STPG2: variants seen among roughly 807,000 people sequenced by gnomAD.
The protein encoded by STPG2 is sperm-tail PG-rich repeat-containing protein 2.
A neutral mutation model predicts 54.2 loss-of-function variants in STPG2; 56 were observed. That is an observed-to-expected ratio of 1.03 (90% CI 0.83 to 1.29). STPG2 has a LOEUF of 1.29. STPG2 is among the 50% of genes most tolerant of loss of function. The pLI, the probability that STPG2 is intolerant of heterozygous loss-of-function variation, is 0.00. For missense variants in STPG2, 596 were observed against 544.9 expected (o/e 1.09, Z -0.93); for synonymous variants, 200 against 181.8 (o/e 1.10, Z -0.81).
chr4:98,128,063 G>A (rs2040581779), intron 3 of STPG2, among the ~76,000 whole-genome samples: 1 of 152,038 alleles, frequency 6.6e-6, no homozygotes. Flanking sequence ...CATGTGACTG[G>A]CTATAGCTCC....
In STPG2 at chr4:97,571,550, C is replaced by A. The variant is rs183610546; in HGVS notation, c.1321-12433G>T. ...GCTCTCCACCACCTCTTATAGCAAC[C>A]CAGACATTCCCTTCTATTGATCCCA... On this transcript the variant is annotated intron_variant, in intron 10 of 10. Transcript: ENST00000295268. Among the ~76,000 whole-genome samples, 419 of 152,232 alleles carry A rather than the reference C, an allele frequency of 2.8e-3. 1 individual carries two copies. The highest frequency in any genetic ancestry group is 4.3e-3 in the Non-Finnish European group (292 of 68,012).
chr4:97,537,128 G>A (rs958347400), intron 4 of STPG2, among the ~76,000 whole-genome samples: 12 of 152,182 alleles, frequency 7.9e-5, no homozygotes, highest in Non-Finnish European at 1.3e-4. Context: ...CGATGCAGAA[G>A]ACGGGTGATT....
intron 10 of STPG2, among the ~76,000 whole-genome samples, chr4:97,611,188 A>G (rs1578422780): frequency 2.0e-5 from 3 of 152,046 alleles, no homozygotes; most frequent in African/African-American, 7.2e-5. Flanking sequence ...AAATTCATTC[A>G]TTCTGTGTTA....
intron 5 of STPG2, among the ~76,000 whole-genome samples, chr4:97,998,725 G>T (rs1320173725): frequency 1.3e-5 from 2 of 152,128 alleles, no homozygotes; most frequent in Admixed American, 1.3e-4. Flanking sequence ...GTGATTATTT[G>T]TACCTGGTGT....
intron 10 of STPG2, among the ~76,000 whole-genome samples, chr4:97,559,630 C>T (rs1299600961): frequency 1.3e-5 from 2 of 152,166 alleles, no homozygotes; most frequent in African/African-American, 4.8e-5. Context: ...TATGACTTCA[C>T]TGACCTTTGT....
chr4:97,895,160 G>GGTA (rs1274423097), intron 8 of STPG2, among the ~76,000 whole-genome samples: 1 of 151,604 alleles, frequency 6.6e-6, no homozygotes, highest in East Asian at 1.9e-4. Flanking sequence ...GTGATGACAC[G>GGTA]GTAATAATAA....
intron 10 of STPG2, among the ~76,000 whole-genome samples, chr4:97,568,503 T>TCA (rs1732513699): frequency 3.9e-5 from 6 of 151,998 alleles, no homozygotes; most frequent in Admixed American, 3.9e-4. Flanking sequence ...TCTCTCTCTC[T>TCA]CACACACACA....
intron 8 of STPG2, among the ~76,000 whole-genome samples, chr4:97,854,887 T>C (rs947672366): frequency 6.6e-6 from 1 of 152,206 alleles, no homozygotes; most frequent in Non-Finnish European, 1.5e-5. Context: ...TTCTTCCTGA[T>C]GCTCTCCCTC....
chr4:97,981,445 A>C, intron 5 of STPG2, 127 bp from the exon 6 acceptor site: 1 of 936,690 alleles, frequency 1.1e-6, no homozygotes, highest in Non-Finnish European at 1.6e-6. Context: ...AGTGAAGAAA[A>C]TGTAGATGAA....
intron 8 of STPG2, among the ~76,000 whole-genome samples, chr4:97,904,655 C>A (rs1392496910): frequency 6.6e-6 from 1 of 152,186 alleles, no homozygotes; most frequent in East Asian, 1.9e-4. Flanking sequence ...AATCAAATTA[C>A]TCCGAGCTAT....
chr4:97,634,528 G>C (rs563537362), intron 10 of STPG2, among the ~76,000 whole-genome samples: 3 of 150,890 alleles, frequency 2.0e-5, no homozygotes, highest in South Asian at 4.2e-4. Flanking sequence ...GGCTTCAGAC[G>C]ATCAAATTAC....
At chr4:98,040,249 A>G (rs947515133) in intron 5 of STPG2, among the ~76,000 whole-genome samples, 1 of 151,894 alleles carries the variant, frequency 6.6e-6, no homozygotes, top group African/African-American at 2.4e-5. Flanking sequence ...GTCCGAAAAT[A>G]TCTTCCCTCA....
At chr4:97,793,659 T>C (rs1182943179) in intron 9 of STPG2, among the ~76,000 whole-genome samples, 2 of 151,848 alleles carry the variant, frequency 1.3e-5, no homozygotes, top group Non-Finnish European at 2.9e-5. Flanking sequence ...ATAATAAATA[T>C]ACATGAATCT....
chr4:98,140,226 T>C (rs933067867), intron 1 of STPG2, among the ~76,000 whole-genome samples: 10 of 152,008 alleles, frequency 6.6e-5, no homozygotes, highest in Non-Finnish European at 1.5e-4. Context: ...AACTGTAAAG[T>C]TGAAATTGCT....
At position 97,549,428 on chromosome 4, in the gene STPG2, G is replaced by A. The variant is rs149900401; in HGVS notation, c.462+163271C>T. Among the ~76,000 whole-genome samples, 267 of 152,102 alleles carry A rather than the reference G, an allele frequency of 1.8e-3. 2 individuals carry two copies. The highest frequency in any genetic ancestry group is 6.2e-3 in the African/African-American group (258 of 41,518). On this transcript the variant is annotated intron_variant, in intron 4 of 4. Transcript: ENST00000522676. ...ATTATGTTTTCCCTTGCCATAATTA[G>A]CTTTTGAGGCCTGTAAATAGATTTG...
At chr4:98,016,239 T>C (rs1735941993) in intron 5 of STPG2, among the ~76,000 whole-genome samples, 1 of 152,164 alleles carries the variant, frequency 6.6e-6, no homozygotes, top group Non-Finnish European at 1.5e-5. Context: ...ATAATGTTTT[T>C]GGTGACTATC....
At chr4:98,097,749 T>A (rs1284435692) in intron 5 of STPG2, among the ~76,000 whole-genome samples, 1 of 152,126 alleles carries the variant, frequency 6.6e-6, no homozygotes, top group Non-Finnish European at 1.5e-5. Context: ...AAAAAAATTA[T>A]TTGAACTGAT....
At chr4:97,995,391 G>A (rs1302339330) in intron 5 of STPG2, among the ~76,000 whole-genome samples, 1 of 152,010 alleles carries the variant, frequency 6.6e-6, no homozygotes. Context: ...TGGAGGAAAA[G>A]TATACAATGT....
chr4:97,546,214 A>G (rs1266108969), intron 4 of STPG2, among the ~76,000 whole-genome samples: 6 of 152,022 alleles, frequency 3.9e-5, no homozygotes, highest in African/African-American at 1.4e-4. Context: ...AAAATTAAAA[A>G]GAAAATGTAA....
Sources: gnomAD v4.1 joint callset for allele counts (sites outside exome capture counted in the v4.1 genomes callset) on GRCh38, gnomAD v4.1.1 for gene constraint, MANE v1.5 for transcripts, NCBI Gene and HGNC (gene_info 2026-07-23, HGNC 2026-07-21) for gene names.